Variants in H2AC14 observed in about 807,000 individuals in gnomAD.
H2AC14 encodes the protein H2A clustered histone 14.
In H2AC14, 6 loss-of-function variants were observed where a neutral mutation model predicts 5.7. That is an observed-to-expected ratio of 1.05 (90% CI 0.57 to 2.07). The LOEUF (loss-of-function observed/expected upper bound fraction) is 2.07. Among genes scored for constraint, H2AC14 ranks in the 30% most tolerant of loss-of-function variants. The pLI is 0.00. For synonymous variants in H2AC14, 121 were observed against 79.3 expected (o/e 1.53, Z -2.80); for missense variants, 136 against 174.6 (o/e 0.78, Z 1.25).
In H2AC14 at chr6:27,814,659, C is replaced by A. The variant is rs755858444; in HGVS notation, c.82G>T (p.Val28Leu). 1 of 1,544,148 alleles carries A rather than the reference C, an allele frequency of 6.5e-7. No homozygotes were observed. Among genetic ancestry groups the A allele is most frequent in the Non-Finnish European group, 8.7e-7 (1 of 1,150,354 alleles). Residue 28 changes from valine to leucine, a missense_variant, in exon 1 of 1, where the codon GTA becomes TTA. Transcript: ENST00000333151. ...CGGAGCAGGCGATGCACTCGGCCTA[C>A]GGGAAACTGAAGCCCGGCCCGAGAA... ...RSSRAGLQFP[V>L]GRVHRLLRKG...
At position 27,814,448 on chromosome 6, in the gene H2AC14, A is replaced by G. The variant is rs1760613265; in HGVS notation, c.293T>C (p.Leu98Pro). ...IRNDEELNKLLGKVTIAQGGV... is the reference protein window; with the variant it reads ...IRNDEELNKLPGKVTIAQGGV... ...ACCCTGTGCGATGGTGACTTTGCCC[A>G]GAAGCTTGTTGAGCTCCTCATCGTT... Residue 98 changes from leucine to proline, a missense_variant, in exon 1 of 1, where the codon CTG becomes CCG. This residue lies in a region of H2AC14 where 100 missense variants were observed against 152.3 expected (regional missense o/e 0.66). Coordinates refer to ENST00000333151, the MANE Select transcript of H2AC14 (RefSeq NM_021066.3). 6.2e-7 allele frequency: 1 copy of G among 1,614,110 alleles called. No individual in the cohort carries two copies. Among genetic ancestry groups the G allele is most frequent in the Non-Finnish European group, 8.5e-7 (1 of 1,180,010 alleles).
Position 27,814,732 on chromosome 6 carries a change from C to G in H2AC14, c.9G>C (p.Gly3=). The G allele has an allele frequency of 6.4e-7, 1 of 1,561,584 alleles. No individual in the cohort carries two copies. The highest frequency in any genetic ancestry group is 8.6e-7 in the Non-Finnish European group (1 of 1,156,356). Residue 3 remains glycine (G), a synonymous_variant, in exon 1 of 1, where the codon GGG becomes GGC. Coordinates refer to ENST00000333151, the MANE Select transcript of H2AC14 (RefSeq NM_021066.3). ...GAGCTTTGCCTCCCTGCTTACCACG[C>G]CCAGACATGGCAAAAGGTCTATTAC... MS[G]RGKQGGKARA...
In H2AC14 at chr6:27,814,567, G is replaced by A. The variant is rs1390851700; in HGVS notation, c.174C>T (p.Tyr58=). ...CCAGCTCCAGGATCTCGGCGGTCAGGTACTCCAGCACCGCCGCCAGGTACA... is the reference window on the plus strand; with the variant it reads ...CCAGCTCCAGGATCTCGGCGGTCAGATACTCCAGCACCGCCGCCAGGTACA... ...APVYLAAVLE[Y]LTAEILELAG... Residue 58 remains tyrosine (Y), a synonymous_variant, in exon 1 of 1, where the codon TAC becomes TAT. Transcript: ENST00000333151. 4 of 1,605,714 alleles carry A rather than the reference G, an allele frequency of 2.5e-6. No homozygotes were observed. The highest frequency in any genetic ancestry group is 2.2e-5 in the East Asian group (1 of 44,746).
At position 27,814,550 on chromosome 6, in the gene H2AC14, A is replaced by C; in HGVS notation, c.191T>G (p.Leu64Arg). Residue 64 changes from leucine (L) to arginine (R), a missense_variant, in exon 1 of 1, where the codon CTG becomes CGG. By Grantham distance (102) the Leu-to-Arg change is moderately radical (BLOSUM62 -2). This residue lies in a region of H2AC14 where 100 missense variants were observed against 152.3 expected (regional missense o/e 0.66). Transcript: ENST00000333151. ...GCGGGCCGCGTTGCCAGCCAGCTCCAGGATCTCGGCGGTCAGGTACTCCAG... is the reference window on the plus strand; with the variant it reads ...GCGGGCCGCGTTGCCAGCCAGCTCCCGGATCTCGGCGGTCAGGTACTCCAG... Reference protein sequence around the residue: ...AVLEYLTAEILELAGNAARDN... With the variant: ...AVLEYLTAEIRELAGNAARDN... The C allele has an allele frequency of 1.2e-6, 2 of 1,608,080 alleles. No homozygotes were observed. The highest frequency in any genetic ancestry group is 1.7e-6 in the Non-Finnish European group (2 of 1,175,770).
Position 27,814,324 on chromosome 6 carries a change from T to A in H2AC14, c.*30A>T. ...TGTTGAAGTGGCTCTGAAAAGAGCC[T>A]TTGTTTTTATGCGCTTTTCAACTCG... is the stretch of plus-strand genomic sequence containing the variant. On this transcript the variant is annotated 3_prime_UTR_variant, in exon 1 of 1. Coordinates refer to ENST00000333151, the MANE Select transcript of H2AC14 (RefSeq NM_021066.3). The A allele has an allele frequency of 1.2e-6, 2 of 1,604,750 alleles. No homozygotes were observed. Among genetic ancestry groups the A allele is most frequent in the Non-Finnish European group, 1.7e-6 (2 of 1,175,828 alleles).
In H2AC14 at chr6:27,814,741, G is replaced by C. The variant is rs41269269; in HGVS notation, c.-1C>G. 2 of 1,553,742 alleles carry C rather than the reference G, an allele frequency of 1.3e-6. No individual in the cohort carries two copies. Among genetic ancestry groups the C allele is most frequent in the African/African-American group, 2.8e-5 (2 of 72,490 alleles). ...CTCCCTGCTTACCACGCCCAGACAT[G>C]GCAAAAGGTCTATTACCTTTACGGT... On this transcript the variant is annotated 5_prime_UTR_variant, in exon 1 of 1. Transcript: ENST00000333151.
rs746752237 is a variant in H2AC14, at chr6:27,814,682, G to A, written c.59C>T (p.Ser20Phe). ...TACGGGAAACTGAAGCCCGGCCCGA[G>A]AAGAGCGGGTCTTGGCCTTGGCGCG... ...KARAKAKTRS[S>F]RAGLQFPVGR... The change falls in exon 1 of 1, where the codon TCT becomes TTT. Residue 20 changes from serine to phenylalanine, a missense_variant. Transcript: ENST00000333151. 7 of 1,554,146 alleles carry A rather than the reference G, an allele frequency of 4.5e-6. No homozygotes were observed. Among genetic ancestry groups the A allele is most frequent in the South Asian group, 2.5e-5 (2 of 80,558 alleles).
rs2113881389 is a variant in H2AC14, at chr6:27,814,634, C to T, written c.107G>A (p.Arg36His). The T allele has an allele frequency of 1.9e-6, 3 of 1,559,742 alleles. No homozygotes were observed. Among genetic ancestry groups the T allele is most frequent in the Non-Finnish European group, 2.6e-6 (3 of 1,153,352 alleles). Residue 36 changes from arginine (R) to histidine (H), a missense_variant, in exon 1 of 1, where the codon CGC becomes CAC. Around this residue, in one of 2 missense-constraint regions of H2AC14, gnomAD observed 100 missense variants for 152.3 expected, o/e 0.66. Transcript: ENST00000333151. The stretch of plus-strand genomic sequence containing the variant: ...GACCCGCTCCGCATAGTTGCCTTTG[C>T]GGAGCAGGCGATGCACTCGGCCTAC... ...FPVGRVHRLL[R>H]KGNYAERVGA...
rs779856093 is a variant in H2AC14, at chr6:27,814,775, A to T, written c.-35T>A. On this transcript the variant is annotated 5_prime_UTR_variant, in exon 1 of 1. Transcript: ENST00000333151. ...TCTATTACCTTTACGGTCAAGAAAG[A>T]CTGAAATGAAATTGGAAAAACGTAC... 6.6e-7 allele frequency: 1 copy of T among 1,521,570 alleles called. No individual in the cohort carries two copies. The highest frequency in any genetic ancestry group is 8.8e-7 in the Non-Finnish European group (1 of 1,137,302). The allele number at this position is 1,521,570 out of a possible 1,614,324, so 94.3% of individuals were successfully genotyped here.
chr6:27,814,612 C>A lies in H2AC14; in HGVS notation c.129G>T (p.Arg43=). 3 of 1,585,066 alleles carry A rather than the reference C, an allele frequency of 1.9e-6. No individual in the cohort carries two copies. Among genetic ancestry groups the A allele is most frequent in the Non-Finnish European group, 2.6e-6 (3 of 1,163,820 alleles). The part of the protein sequence containing the change: ...RLLRKGNYAE[R]VGAGAPVYLA... ...GGTACACCGGCGCTCCAGCACCGAC[C>A]CGCTCCGCATAGTTGCCTTTGCGGA... The change falls in exon 1 of 1, where the codon CGG becomes CGT. Residue 43 remains arginine (R), a synonymous_variant. Coordinates refer to ENST00000333151, the MANE Select transcript of H2AC14 (RefSeq NM_021066.3).
chr6:27,814,776 C>T lies in H2AC14; in HGVS notation c.-36G>A, dbSNP rs1223631408. The T allele has an allele frequency of 2.0e-6, 3 of 1,521,842 alleles. No individual in the cohort carries two copies. Among genetic ancestry groups the T allele is most frequent in the East Asian group, 2.3e-5 (1 of 44,104 alleles). The allele number at this position is 1,521,842 out of a possible 1,614,324, so 94.3% of individuals were successfully genotyped here. ...CTATTACCTTTACGGTCAAGAAAGA[C>T]TGAAATGAAATTGGAAAAACGTACA... On this transcript the variant is annotated 5_prime_UTR_variant, in exon 1 of 1. Coordinates refer to ENST00000333151, the MANE Select transcript of H2AC14 (RefSeq NM_021066.3).
Position 27,814,432 on chromosome 6 carries a change from G to T in H2AC14, c.309C>A (p.Ile103=). The change falls in exon 1 of 1, where the codon ATC becomes ATA. Residue 103 remains isoleucine (I), a synonymous_variant. Coordinates refer to ENST00000333151, the MANE Select transcript of H2AC14 (RefSeq NM_021066.3). ...ELNKLLGKVT[I]AQGGVLPNIQ... is the part of the protein sequence containing the mutation. ...TGTTGGGCAGGACGCCACCCTGTGC[G>T]ATGGTGACTTTGCCCAGAAGCTTGT... 1 of 1,614,148 alleles carries T rather than the reference G, an allele frequency of 6.2e-7. No individual in the cohort carries two copies. The highest frequency in any genetic ancestry group is 8.5e-7 in the Non-Finnish European group (1 of 1,180,032).
Position 27,814,744 on chromosome 6 carries a change from A to T in H2AC14, c.-4T>A. The stretch of plus-strand genomic sequence containing the variant: ...CCTGCTTACCACGCCCAGACATGGC[A>T]AAAGGTCTATTACCTTTACGGTCAA... On this transcript the variant is annotated 5_prime_UTR_variant, in exon 1 of 1. Transcript: ENST00000333151. 6.4e-7 allele frequency: 1 copy of T among 1,553,312 alleles called. No homozygotes were observed. Among genetic ancestry groups the T allele is most frequent in the Non-Finnish European group, 8.7e-7 (1 of 1,152,206 alleles).
Position 27,814,675 on chromosome 6 carries a change from G to A in H2AC14, c.66C>T (p.Ala22=), listed in dbSNP as rs201651725. 3.5e-5 allele frequency: 54 copies of A among 1,550,300 alleles called. No homozygotes were observed. In the Middle Eastern group the frequency reaches 1.2e-3, roughly 35 times the overall value. The change falls in exon 1 of 1, where the codon GCC becomes GCT. Residue 22 remains alanine (A), a synonymous_variant. Coordinates refer to ENST00000333151, the MANE Select transcript of H2AC14 (RefSeq NM_021066.3). ...RAKAKTRSSR[A]GLQFPVGRVH... ...CTCGGCCTACGGGAAACTGAAGCCC[G>A]GCCCGAGAAGAGCGGGTCTTGGCCT... is the stretch of plus-strand genomic sequence containing the variant.
chr6:27,814,309 G>C lies in H2AC14; in HGVS notation c.*45C>G, dbSNP rs376510829. ...TCATCTTTTTATGATTGTTGAAGTG[G>C]CTCTGAAAAGAGCCTTTGTTTTTAT... On this transcript the variant is annotated 3_prime_UTR_variant, in exon 1 of 1. Transcript: ENST00000333151. The C allele has an allele frequency of 1.4e-5, 22 of 1,596,046 alleles. No individual in the cohort carries two copies. Among genetic ancestry groups the C allele is most frequent in the Non-Finnish European group, 1.7e-5 (20 of 1,170,900 alleles).
rs144679495 is a variant in H2AC14, at chr6:27,814,717, T to A, written c.24A>T (p.Gly8=). Residue 8 remains glycine (G), a synonymous_variant, in exon 1 of 1, where the codon GGA becomes GGT. Transcript: ENST00000333151. MSGRGKQ[G]GKARAKAKTR... ...TCTTGGCCTTGGCGCGAGCTTTGCC[T>A]CCCTGCTTACCACGCCCAGACATGG... The A allele has an allele frequency of 9.6e-6, 15 of 1,565,878 alleles. No individual in the cohort carries two copies. Among genetic ancestry groups the A allele is most frequent in the African/African-American group, 2.7e-5 (2 of 73,074 alleles).
At position 27,814,753 on chromosome 6, in the gene H2AC14, A is replaced by G. The variant is rs562785339; in HGVS notation, c.-13T>C. On this transcript the variant is annotated 5_prime_UTR_variant, in exon 1 of 1. Transcript: ENST00000333151. ...CACGCCCAGACATGGCAAAAGGTCT[A>G]TTACCTTTACGGTCAAGAAAGACTG... 2.6e-5 allele frequency: 40 copies of G among 1,539,906 alleles called. No homozygotes were observed. The East Asian group carries it at 2.7e-4, about 10-fold the overall frequency.
rs779362597 is a variant in H2AC14, at chr6:27,814,582, C to T, written c.159G>A (p.Ala53=). 6 of 1,599,512 alleles carry T rather than the reference C, an allele frequency of 3.8e-6. No individual in the cohort carries two copies. The highest frequency in any genetic ancestry group is 2.2e-5 in the South Asian group (2 of 90,274). ...CGGCGGTCAGGTACTCCAGCACCGC[C>T]GCCAGGTACACCGGCGCTCCAGCAC... ...RVGAGAPVYL[A]AVLEYLTAEI... Residue 53 remains alanine, a synonymous_variant, in exon 1 of 1, where the codon GCG becomes GCA. Coordinates refer to ENST00000333151, the MANE Select transcript of H2AC14 (RefSeq NM_021066.3).
chr6:27,814,728 C>T lies in H2AC14; in HGVS notation c.13G>A (p.Gly5Ser), dbSNP rs762907097. The T allele has an allele frequency of 2.6e-6, 4 of 1,562,682 alleles. No homozygotes were observed. Among genetic ancestry groups the T allele is most frequent in the Admixed American group, 2.0e-5 (1 of 50,002 alleles). MSGRGKQGGKARAKA... is the reference protein window; with the variant it reads MSGRSKQGGKARAKA... Reference sequence around the variant, plus strand: ...GCGCGAGCTTTGCCTCCCTGCTTACCACGCCCAGACATGGCAAAAGGTCTA... The same window carrying T: ...GCGCGAGCTTTGCCTCCCTGCTTACTACGCCCAGACATGGCAAAAGGTCTA... The change falls in exon 1 of 1, where the codon GGT becomes AGT. Residue 5 changes from glycine to serine, a missense_variant. Physicochemically the swap from Gly to Ser is moderately conservative, Grantham distance 56. Coordinates refer to ENST00000333151, the MANE Select transcript of H2AC14 (RefSeq NM_021066.3).
Sources: allele counts gnomAD v4.1 joint callset, GRCh38; gene constraint gnomAD v4.1.1; regional missense constraint gnomAD v4.1.1; transcripts MANE v1.5; gene names NCBI Gene and HGNC (gene_info 2026-07-23, HGNC 2026-07-21).